Variants in INPP4B observed in about 807,000 individuals in gnomAD.
The protein encoded by INPP4B is inositol polyphosphate-4-phosphatase type II B.
INPP4B carries 55 observed loss-of-function variants against 122.5 expected under a neutral mutation model. That is an observed-to-expected ratio of 0.45 (90% CI 0.36 to 0.56). The LOEUF is 0.56. Among genes scored for constraint, INPP4B ranks in the 20% least tolerant of loss-of-function variants. The pLI is 0.00. For synonymous variants in INPP4B, 403 were observed against 388.7 expected (o/e 1.04, Z -0.43); for missense variants, 1,000 against 1,097.7 (o/e 0.91, Z 1.26).
chr4:142,475,011 CTG>C (rs1441978626), intron 2 of INPP4B, among the ~76,000 whole-genome samples: 1 of 152,212 alleles, frequency 6.6e-6, no homozygotes, highest in African/African-American at 2.4e-5. Context: ...CGTCTGCACT[CTG>C]TGGGCAGGTG....
Position 142,248,545 on chromosome 4 carries a change from G to A in INPP4B, c.689-10534C>T, listed in dbSNP as rs548563374. Among the ~76,000 whole-genome samples, 14 of 151,888 alleles carry A rather than the reference G, an allele frequency of 9.2e-5. No homozygotes were observed. In the East Asian group the frequency reaches 2.7e-3, roughly 29 times the overall value. On this transcript the variant is annotated intron_variant, in intron 11 of 25. Transcript: ENST00000262992. ...GTAGAGACGGGGTTTCACCATGTTG[G>A]CCAGACTGGTCTTGAACTTCTGACC...
At chr4:142,674,826 C>T (rs371767482) in intron 2 of INPP4B, among the ~76,000 whole-genome samples, 16 of 152,052 alleles carry the variant, frequency 1.1e-4, no homozygotes, top group African/African-American at 2.4e-4. Context: ...AAAGAGGTAA[C>T]GTACCAGAAT....
chr4:142,551,932 G>A (rs1235545404), intron 2 of INPP4B, among the ~76,000 whole-genome samples: 2 of 152,154 alleles, frequency 1.3e-5, no homozygotes, highest in Admixed American at 1.3e-4. Context: ...TGGTTCATTT[G>A]AACTCTGATG....
chr4:142,415,420 G>A (rs1198794981), intron 5 of INPP4B, among the ~76,000 whole-genome samples: 2 of 152,070 alleles, frequency 1.3e-5, no homozygotes, highest in East Asian at 3.9e-4. Context: ...ATCAACACTG[G>A]CCATCAGAGA....
intron 2 of INPP4B, among the ~76,000 whole-genome samples, chr4:142,681,955 A>T (rs563002070): frequency 6.6e-6 from 1 of 151,994 alleles, no homozygotes; most frequent in East Asian, 1.9e-4. Context: ...TCAAAAGTTC[A>T]GTCATAAAGT....
chr4:142,804,904 C>T (rs754815624), intron 1 of INPP4B, among the ~76,000 whole-genome samples: 4 of 152,110 alleles, frequency 2.6e-5, no homozygotes, highest in Non-Finnish European at 4.4e-5. Context: ...TGGGCTCAAG[C>T]GATCCACTGG....
intron 2 of INPP4B, among the ~76,000 whole-genome samples, chr4:142,507,370 C>T (rs1824162859): frequency 6.6e-6 from 1 of 152,086 alleles, no homozygotes; most frequent in Non-Finnish European, 1.5e-5. Flanking sequence ...TGCTGTGCTC[C>T]AATGCCTCTG....
intron 5 of INPP4B, among the ~76,000 whole-genome samples, chr4:142,406,003 G>A (rs1023685516): frequency 2.0e-5 from 3 of 151,980 alleles, no homozygotes; most frequent in Non-Finnish European, 4.4e-5. Flanking sequence ...ACAGACCCTC[G>A]CCACCATACC....
intron 2 of INPP4B, among the ~76,000 whole-genome samples, chr4:142,556,576 CA>C (rs1729238091): frequency 6.6e-6 from 1 of 151,938 alleles, no homozygotes; most frequent in South Asian, 2.1e-4. Flanking sequence ...CACCAATGAC[CA>C]AAATGGGGTC....
chr4:142,726,803 C>T (rs1476251756), intron 1 of INPP4B, among the ~76,000 whole-genome samples: 1 of 152,090 alleles, frequency 6.6e-6, no homozygotes, highest in Non-Finnish European at 1.5e-5. Context: ...GTATTTTGGA[C>T]AAATAAATTT....
intron 2 of INPP4B, among the ~76,000 whole-genome samples, chr4:142,637,109 C>A (rs1409531970): frequency 6.6e-6 from 1 of 152,014 alleles, no homozygotes; most frequent in African/African-American, 2.4e-5. Context: ...ATGAACCATC[C>A]CTTTCTAAAC....
chr4:142,203,010 T>A (rs1003287909), intron 14 of INPP4B, among the ~76,000 whole-genome samples: 5 of 152,106 alleles, frequency 3.3e-5, no homozygotes, highest in African/African-American at 9.7e-5. Flanking sequence ...ACAATTAGAG[T>A]TAAATTCAGA....
At chr4:142,747,621 C>T (rs1768957663) in intron 1 of INPP4B, among the ~76,000 whole-genome samples, 1 of 152,078 alleles carries the variant, frequency 6.6e-6, no homozygotes, top group Non-Finnish European at 1.5e-5. Context: ...GGAATCAACT[C>T]AAATGTCCAT....
intron 1 of INPP4B, among the ~76,000 whole-genome samples, chr4:142,845,346 G>T (rs923361903): frequency 6.6e-6 from 1 of 152,124 alleles, no homozygotes; most frequent in African/African-American, 2.4e-5. Flanking sequence ...TCAGCTACCA[G>T]CCTGAAACTA....
intron 2 of INPP4B, among the ~76,000 whole-genome samples, chr4:142,529,522 T>C (rs1827332960): frequency 6.6e-6 from 1 of 152,014 alleles, no homozygotes; most frequent in Non-Finnish European, 1.5e-5. Flanking sequence ...AATGTAGCTA[T>C]TTTCATAAAA....
chr4:142,654,851 A>G (rs1753830413), intron 2 of INPP4B, among the ~76,000 whole-genome samples: 1 of 152,206 alleles, frequency 6.6e-6, no homozygotes, highest in Admixed American at 6.5e-5. Context: ...TGTCTTCAAA[A>G]TAATGTTCCA....
At chr4:142,664,200 G>A (rs1755658283) in intron 2 of INPP4B, among the ~76,000 whole-genome samples, 1 of 152,130 alleles carries the variant, frequency 6.6e-6, no homozygotes, top group Non-Finnish European at 1.5e-5. Context: ...ATACATGCCA[G>A]CCATGCCAGG....
At chr4:142,519,282 C>T (rs1193956652) in intron 2 of INPP4B, among the ~76,000 whole-genome samples, 1 of 152,122 alleles carries the variant, frequency 6.6e-6, no homozygotes, top group East Asian at 1.9e-4. Context: ...AAAATTTCCT[C>T]ATACAAGAAA....
intron 2 of INPP4B, among the ~76,000 whole-genome samples, chr4:142,614,563 TA>T (rs1743286312): frequency 6.6e-6 from 1 of 152,032 alleles, no homozygotes; most frequent in African/African-American, 2.4e-5. Flanking sequence ...TTAAACTGAA[TA>T]GCTTCTGCAT....
Sources: allele counts gnomAD v4.1 joint callset (sites outside exome capture counted in the v4.1 genomes callset), GRCh38; gene constraint gnomAD v4.1.1; transcripts MANE v1.5; gene names NCBI Gene and HGNC (gene_info 2026-07-23, HGNC 2026-07-21).